BTG4: variants seen among roughly 807,000 people sequenced by gnomAD.
BTG4 encodes the protein protein BTG4.
In BTG4, 10 loss-of-function variants were observed where a neutral mutation model predicts 19.3. The observed-to-expected ratio is 0.52, with a 90% CI of 0.32 to 0.88. The LOEUF (loss-of-function observed/expected upper bound fraction) is 0.88. Ranked by LOEUF, BTG4 falls within the 40% of genes least tolerant of loss-of-function variation. The pLI, the probability that BTG4 is intolerant of heterozygous loss-of-function variation, is 0.04. For synonymous variants in BTG4, 91 were observed against 95.7 expected, an observed-to-expected ratio of 0.95 and a Z score of 0.29; for missense variants, 238 against 281.9, an observed-to-expected ratio of 0.84 and a Z score of 1.11.
rs80138291 is a variant in BTG4 at position 111,478,669 on chromosome 11, G to A, written c.663-10988C>T. 8.4e-3 allele frequency among the ~76,000 whole-genome samples: 1,276 copies of A among 152,096 alleles called. 20 individuals carry two copies. Among genetic ancestry groups the A allele is most frequent in the African/African-American group, 0.029 (1,198 of 41,516 alleles). ...ATGGTAAAGTCACAGCAAAAAAATC[G>A]AAGACAGAACTAAATGAACGTTTTA... On this transcript the variant is annotated intron_variant, in intron 5 of 5. Coordinates refer to the BTG4 transcript ENST00000356018.
chr11:111,434,571 T>C, the BTG4 span, among the ~76,000 whole-genome samples: 1 of 134,616 alleles, frequency 7.4e-6, no homozygotes, highest in Non-Finnish European at 1.6e-5. Flanking sequence ...TAATAATAAA[T>C]TTTAAAAAAA....
the BTG4 span, chr11:111,386,121 G>T: frequency 6.6e-6 from 1 of 152,310 alleles, no homozygotes; most frequent in Non-Finnish European, 1.5e-5. Context: ...TCGTGCCACT[G>T]CATTCCAGCC....
At chr11:111,386,973 C>T in the BTG4 span, among the ~76,000 whole-genome samples, 1 of 152,190 alleles carries the variant, frequency 6.6e-6, no homozygotes, top group East Asian at 1.9e-4. Context: ...AATCTGGCTG[C>T]AGTGCTAGCA....
At chr11:111,419,673 C>A in the BTG4 span, among the ~76,000 whole-genome samples, 2 of 152,248 alleles carry the variant, frequency 1.3e-5, no homozygotes, top group Non-Finnish European at 2.9e-5. Flanking sequence ...GCCAAGCCAC[C>A]AGCAAGTACC....
intron 5 of BTG4, among the ~76,000 whole-genome samples, chr11:111,483,663 A>G (rs973590534): frequency 6.6e-6 from 1 of 152,166 alleles, no homozygotes; most frequent in African/African-American, 2.4e-5. Flanking sequence ...GAGTCAGGCT[A>G]CATGAAAACA....
chr11:111,498,236 A>G (rs1865858154), intron 2 of BTG4, 101 bp from the exon 3 acceptor site: 3 of 1,334,324 alleles, frequency 2.2e-6, no homozygotes, highest in Non-Finnish European at 3.1e-6. Flanking sequence ...CTCCCACCTC[A>G]TCCCCTCAGC....
At chr11:111,441,697 G>A in the BTG4 span, among the ~76,000 whole-genome samples, 2 of 152,214 alleles carry the variant, frequency 1.3e-5, no homozygotes, top group Non-Finnish European at 2.9e-5. Context: ...ACTTGAATGT[G>A]TGACTAATCC....
chr11:111,514,526 C>G, upstream of BTG4: 1 of 522,222 alleles, frequency 1.9e-6, no homozygotes, highest in Non-Finnish European at 3.5e-6. Flanking sequence ...AAACTACTCC[C>G]CCACTGACTC....
chr11:111,456,674 A>G, the BTG4 span: 1 of 393,494 alleles, frequency 2.5e-6, no homozygotes, highest in Non-Finnish European at 5.3e-6. This position sits in a 1 kb window ranked among gnomAD's most constrained non-coding sequence, Gnocchi z 4.2. Context: ...GTGCTGCCCG[A>G]GGCTGGACAC....
At chr11:111,514,607 G>C (rs920471952), upstream of BTG4, 76 of 606,790 alleles carry the variant, frequency 1.3e-4, no homozygotes, top group Non-Finnish European at 2.0e-4. Flanking sequence ...CCTAAAACCT[G>C]ATCACCGCAG....
the BTG4 span, among the ~76,000 whole-genome samples, chr11:111,424,958 A>G: frequency 1.3e-5 from 2 of 152,166 alleles, no homozygotes; most frequent in African/African-American, 4.8e-5. Flanking sequence ...CCGGTCCCCA[A>G]GTAGCTCAAA....
At chr11:111,503,497 C>T (rs1461903169) in intron 1 of BTG4, among the ~76,000 whole-genome samples, 1 of 152,134 alleles carries the variant, frequency 6.6e-6, no homozygotes, top group Non-Finnish European at 1.5e-5. Context: ...GACATTTGTT[C>T]CCTTGCTTAA....
the BTG4 span, among the ~76,000 whole-genome samples, chr11:111,451,638 C>T: frequency 6.6e-6 from 1 of 152,110 alleles, no homozygotes; most frequent in South Asian, 2.1e-4. Flanking sequence ...GTGGTGCATG[C>T]CTGTAATTCC....
chr11:111,505,177 G>C (rs1006509382), intron 1 of BTG4, among the ~76,000 whole-genome samples: 8 of 151,912 alleles, frequency 5.3e-5, no homozygotes, highest in Non-Finnish European at 1.0e-4. Flanking sequence ...CAAGCAAAAA[G>C]AACAGAGTCA....
At chr11:111,461,328 C>T in the BTG4 span, among the ~76,000 whole-genome samples, 3 of 152,248 alleles carry the variant, frequency 2.0e-5, no homozygotes, top group East Asian at 1.9e-4. Flanking sequence ...AATTTCCTGC[C>T]GCCACGTGCC....
At chr11:111,401,045 C>A in the BTG4 span, 1 of 95,540 alleles carries the variant, frequency 1.0e-5, no homozygotes, top group African/African-American at 4.3e-5. Context: ...TGACTGGAAC[C>A]TGGAGCATAA....
the BTG4 span, chr11:111,454,134 G>A: frequency 2.7e-6 from 1 of 366,702 alleles, no homozygotes; most frequent in Non-Finnish European, 5.3e-6. Flanking sequence ...GACTGTGCCT[G>A]GACTGTTGAG....
At chr11:111,460,968 G>T in the BTG4 span, among the ~76,000 whole-genome samples, 1 of 152,044 alleles carries the variant, frequency 6.6e-6, no homozygotes, top group Non-Finnish European at 1.5e-5. Context: ...TTCACAAGTT[G>T]GCACACCTCC....
chr11:111,451,963 G>C, the BTG4 span, among the ~76,000 whole-genome samples: 1 of 152,126 alleles, frequency 6.6e-6, no homozygotes, highest in Admixed American at 6.5e-5. Flanking sequence ...TATGTATTCA[G>C]GGACATCAAT....
Sources: gnomAD v4.1 joint callset for allele counts (sites outside exome capture counted in the v4.1 genomes callset) on GRCh38, gnomAD v4.1.1 for gene constraint, Gnocchi (gnomAD v3.1) non-coding constraint, MANE v1.5 for transcripts, NCBI Gene and HGNC (gene_info 2026-07-23, HGNC 2026-07-21) for gene names.